Variants in TMEM184C observed in about 807,000 individuals in gnomAD.
TMEM184C encodes the protein transmembrane protein 184C.
A neutral mutation model predicts 54.5 loss-of-function variants in TMEM184C; 25 were observed. The ratio of observed to expected loss-of-function variants is 0.46; its 90% CI spans 0.33 to 0.64. The LOEUF is 0.64. TMEM184C is among the 30% of genes least tolerant of loss of function. The pLI, the probability that TMEM184C is intolerant of heterozygous loss-of-function variation, is 0.02. For missense variants in TMEM184C, 335 were observed against 520.3 expected, an observed-to-expected ratio of 0.64 and a Z score of 3.46; for synonymous variants, 148 against 181.5, an observed-to-expected ratio of 0.82 and a Z score of 1.49.
Position 147,632,993 on chromosome 4 carries a change from C to A in TMEM184C, c.870C>A (p.Thr290=). 1 of 1,613,152 alleles carries A rather than the reference C, an allele frequency of 6.2e-7. No homozygotes were observed. The highest frequency in any genetic ancestry group is 8.5e-7 in the Non-Finnish European group (1 of 1,179,518). Residue 290 remains threonine, a synonymous_variant, in exon 8 of 10, where the codon ACC becomes ACA. Transcript: ENST00000296582. ...WEWQTVEAVA[T]GLQDFIICIE... Reference sequence around the variant, plus strand: ...GGCAAACTGTAGAAGCTGTGGCCACCGGACTCCAGGTAAGTAGTGCCATCT... The same window carrying A: ...GGCAAACTGTAGAAGCTGTGGCCACAGGACTCCAGGTAAGTAGTGCCATCT...
At chr4:147,624,709 A>T in intron 3 of TMEM184C, 95 bp from the exon 4 acceptor site, 1 of 1,140,190 alleles carries the variant, frequency 8.8e-7, no homozygotes, top group Non-Finnish European at 1.3e-6. Context: ...AGACATCTCA[A>T]GCATAAAAAT....
chr4:147,631,657 A>G (rs1047723948), intron 7 of TMEM184C, 152 bp downstream of exon 7: 6 of 637,620 alleles, frequency 9.4e-6, no homozygotes, highest in Non-Finnish European at 1.3e-5. Flanking sequence ...CCCTTCTACA[A>G]TTTTCAAAAG....
At chr4:147,618,184 T>C in intron 1 of TMEM184C, 105 bp downstream of exon 1, 2 of 1,528,396 alleles carry the variant, frequency 1.3e-6, no homozygotes, top group Non-Finnish European at 1.8e-6. Flanking sequence ...CTGAAAACCA[T>C]CTAATGTAAA....
chr4:147,621,350 TTCCTC>T (rs1732705181), intron 1 of TMEM184C, among the ~76,000 whole-genome samples: 4 of 152,302 alleles, frequency 2.6e-5, no homozygotes. Flanking sequence ...GGTTTTTTCT[TTCCTC>T]TCTTCTTTCC....
intron 5 of TMEM184C, among the ~76,000 whole-genome samples, 187 bp from the exon 6 acceptor site, chr4:147,629,412 A>G (rs946846108): frequency 6.6e-6 from 1 of 151,994 alleles, no homozygotes; most frequent in Non-Finnish European, 1.5e-5. Flanking sequence ...CCACCTCTAG[A>G]TCCAAAGTCA....
intron 4 of TMEM184C, among the ~76,000 whole-genome samples, chr4:147,625,264 C>A (rs1043651359): frequency 1.3e-5 from 2 of 152,166 alleles, no homozygotes; most frequent in Non-Finnish European, 2.9e-5. Flanking sequence ...AAACAGTAAT[C>A]ATTTAATCAA....
intron 1 of TMEM184C, among the ~76,000 whole-genome samples, chr4:147,621,171 C>CT (rs571817809): frequency 7.4e-5 from 11 of 148,940 alleles, no homozygotes; most frequent in African/African-American, 2.2e-4. Context: ...CCTCAGCACA[C>CT]TTTTTTTTTT....
chr4:147,627,098 G>A (rs760723931), intron 4 of TMEM184C, among the ~76,000 whole-genome samples: 1 of 152,146 alleles, frequency 6.6e-6, no homozygotes, highest in Non-Finnish European at 1.5e-5. Context: ...TATCAAAGGG[G>A]GCTGGGGAAT....
Position 147,634,516 on chromosome 4 carries a change from A to G in TMEM184C, c.*82A>G. The G allele has an allele frequency of 6.8e-7, 1 of 1,460,396 alleles. No individual in the cohort carries two copies. Among genetic ancestry groups the G allele is most frequent in the Non-Finnish European group, 9.2e-7 (1 of 1,087,720 alleles). 90.5% of individuals were successfully genotyped at this position (1,460,396 alleles called of 1,614,324 possible). The stretch of plus-strand genomic sequence containing the variant: ...ATGGATTTTGTGCTTGGGACAGACC[A>G]TAAATGATGGAAAATGTCAACACAA... On this transcript the variant is annotated 3_prime_UTR_variant, in exon 10 of 10. Transcript: ENST00000296582.
chr4:147,633,996 C>T (rs971612000), intron 9 of TMEM184C, 60 bp downstream of exon 9: 6 of 1,556,322 alleles, frequency 3.9e-6, no homozygotes, highest in African/African-American at 1.4e-5. Context: ...ATTTCTCCTA[C>T]TAGGGCAATT....
rs1205927347 is a variant in TMEM184C at position 147,617,774 on chromosome 4, A to G, written c.-183A>G. ...TAGCACCCTGAGAGGCTACATTTGCAGAAGCAGCAGCAGCAGAAGACACAG... is the reference window on the plus strand; with the variant it reads ...TAGCACCCTGAGAGGCTACATTTGCGGAAGCAGCAGCAGCAGAAGACACAG... On this transcript the variant is annotated 5_prime_UTR_variant, in exon 1 of 10. Transcript: ENST00000296582. 6.8e-6 allele frequency: 5 copies of G among 732,824 alleles called. No individual in the cohort carries two copies. The highest frequency in any genetic ancestry group is 1.2e-5 in the Non-Finnish European group (5 of 434,768). 45.4% of individuals were successfully genotyped at this position (732,824 alleles called of 1,614,324 possible).
At position 147,634,562 on chromosome 4, in the gene TMEM184C, C is replaced by G. The variant is rs556035175; in HGVS notation, c.*128C>G. 4 of 1,012,868 alleles carry G rather than the reference C, an allele frequency of 3.9e-6. No individual in the cohort carries two copies. The Admixed American group carries it at 1.1e-4, about 27-fold the overall frequency. 62.7% of individuals were successfully genotyped at this position (1,012,868 alleles called of 1,614,324 possible). On this transcript the variant is annotated 3_prime_UTR_variant, in exon 10 of 10. Transcript: ENST00000296582. Reference sequence around the variant, plus strand: ...CACAAAAATAGCTGAAAGCCAGGTACAACTACTGCATTTATATATGTAAGT... The same window carrying G: ...CACAAAAATAGCTGAAAGCCAGGTAGAACTACTGCATTTATATATGTAAGT...
chr4:147,630,667 T>C (rs1317815617), intron 6 of TMEM184C, among the ~76,000 whole-genome samples: 2 of 152,100 alleles, frequency 1.3e-5, no homozygotes, highest in African/African-American at 4.8e-5. Flanking sequence ...AATTAGTTCA[T>C]GACAGTTATT....
At chr4:147,630,018 TACAC>T (rs1235240179) in intron 6 of TMEM184C, among the ~76,000 whole-genome samples, 7 of 150,824 alleles carry the variant, frequency 4.6e-5, no homozygotes, top group African/African-American at 1.5e-4. Flanking sequence ...AAAAAAAAAA[TACAC>T]ACACACGCCC....
chr4:147,634,373 A>C lies in TMEM184C; in HGVS notation c.1256A>C (p.Glu419Ala). 6.2e-7 allele frequency: 1 copy of C among 1,614,178 alleles called. No individual in the cohort carries two copies. Among genetic ancestry groups the C allele is most frequent in the Non-Finnish European group, 8.5e-7 (1 of 1,180,002 alleles). ...CCTACCACAGCTAAGATATCTGATG[A>C]AATCCTTAGTGATACTATAGGAGAG... ...TTPTTAKISDEILSDTIGEKK... is the reference protein window; with the variant it reads ...TTPTTAKISDAILSDTIGEKK... Residue 419 changes from glutamate to alanine, a missense_variant, in exon 10 of 10, where the codon GAA (glutamate) becomes GCA (alanine). Transcript: ENST00000296582.
intron 8 of TMEM184C, 73 bp from the exon 9 acceptor site, chr4:147,633,692 T>C (rs1732957678): frequency 1.6e-6 from 2 of 1,261,148 alleles, no homozygotes; most frequent in Non-Finnish European, 2.1e-6. Flanking sequence ...GAAAAGCAAG[T>C]AGAGAAAGAT....
intron 1 of TMEM184C, among the ~76,000 whole-genome samples, chr4:147,620,895 A>G (rs1456940000): frequency 2.6e-5 from 4 of 152,268 alleles, no homozygotes; most frequent in Non-Finnish European, 5.9e-5. Context: ...TCTAATGCTC[A>G]GAAAGATATG....
At position 147,617,602 on chromosome 4, in the gene TMEM184C, C is replaced by G; in HGVS notation, c.-355C>G. ...GGGTCCCTAGAGGCCGGTTCCTGGT[C>G]TGTGCTGCTCTCCTGGAAGCCATGG... On this transcript the variant is annotated 5_prime_UTR_variant, in exon 1 of 10. Coordinates refer to ENST00000296582, the MANE Select transcript of TMEM184C (RefSeq NM_018241.3). 1 of 252,236 alleles carries G rather than the reference C, an allele frequency of 4.0e-6. No homozygotes were observed. Among genetic ancestry groups the G allele is most frequent in the Non-Finnish European group, 8.3e-6 (1 of 120,596 alleles). The allele number at this position is 252,236 out of a possible 1,614,324, so 15.6% of individuals were successfully genotyped here.
chr4:147,629,496 GA>G (rs1732872781), intron 5 of TMEM184C, 102 bp from the exon 6 acceptor site: 1 of 778,896 alleles, frequency 1.3e-6, no homozygotes, highest in Non-Finnish European at 2.0e-6. Flanking sequence ...GATTGTCAGT[GA>G]GATCTCAAAT....
Sources: gnomAD v4.1 joint callset for allele counts (sites outside exome capture counted in the v4.1 genomes callset) on GRCh38, gnomAD v4.1.1 for gene constraint, MANE v1.5 for transcripts, NCBI Gene and HGNC (gene_info 2026-07-23, HGNC 2026-07-21) for gene names.